The following TOX3 variants were observed in gnomAD, a reference collection of about 807,000 sequenced individuals.
The protein encoded by TOX3 is TOX high mobility group box family member 3, also known as CAG trinucleotide repeat-containing gene F9 protein.
TOX3 carries 22 observed loss-of-function variants against 64.3 expected under a neutral mutation model. The observed-to-expected ratio is 0.34, with a 90% CI of 0.24 to 0.49. The LOEUF is 0.49. TOX3 is among the 20% of genes least tolerant of loss of function. The probability of loss-of-function intolerance (pLI) is 0.99; values close to 1 mark genes in which losing one functional copy is unlikely to be tolerated. For synonymous variants in TOX3, 291 were observed against 273.6 expected, an observed-to-expected ratio of 1.06 and a Z score of -0.63; for missense variants, 661 against 714.4, an observed-to-expected ratio of 0.93 and a Z score of 0.85.
chr16:52,483,402 C>A (rs1033962692), intron 1 of TOX3, among the ~76,000 whole-genome samples: 3 of 152,044 alleles, frequency 2.0e-5, no homozygotes, highest in African/African-American at 7.3e-5. Context: ...AAGGGGAGAG[C>A]TGGGAAAACA....
intron 1 of TOX3, among the ~76,000 whole-genome samples, chr16:52,498,591 G>C (rs368490636): frequency 5.1e-4 from 77 of 152,250 alleles, no homozygotes; most frequent in South Asian, 4.6e-3. Flanking sequence ...GTGGGGTTGG[G>C]GGGGGGAGGC....
chr16:52,456,696 G>A (rs536811462), intron 3 of TOX3, among the ~76,000 whole-genome samples: 1 of 152,238 alleles, frequency 6.6e-6, no homozygotes, highest in South Asian at 2.1e-4. Flanking sequence ...GTTAAAATCT[G>A]AATAATGTTA....
At chr16:52,525,265 G>A (rs561670969) in intron 1 of TOX3, among the ~76,000 whole-genome samples, 1 of 152,060 alleles carries the variant, frequency 6.6e-6, no homozygotes, top group Non-Finnish European at 1.5e-5. Context: ...TTTGGGGAGG[G>A]GGGTTCTCTA....
chr16:52,512,833 A>C (rs1048539716), intron 1 of TOX3, among the ~76,000 whole-genome samples: 4 of 152,202 alleles, frequency 2.6e-5, no homozygotes, highest in Admixed American at 1.3e-4. Context: ...AAAAAGAAGA[A>C]GAAGAAAAGA....
chr16:52,486,627 A>T (rs907305961), intron 1 of TOX3, among the ~76,000 whole-genome samples: 1 of 152,154 alleles, frequency 6.6e-6, no homozygotes, highest in African/African-American at 2.4e-5. Context: ...CCAAGGAAGA[A>T]TTATAGATAT....
At chr16:52,470,516 A>G (rs548084567) in intron 1 of TOX3, among the ~76,000 whole-genome samples, 1 of 152,332 alleles carries the variant, frequency 6.6e-6, no homozygotes, top group South Asian at 2.1e-4. Flanking sequence ...TATTAAACTA[A>G]AGGCCTAAAC....
chr16:52,473,779 C>T (rs983760586), intron 1 of TOX3, among the ~76,000 whole-genome samples: 11 of 152,048 alleles, frequency 7.2e-5, no homozygotes, highest in Admixed American at 6.5e-4. Flanking sequence ...CCATCTACAC[C>T]AAAGGTTGGA....
At chr16:52,465,603 A>C (rs894088326) in intron 2 of TOX3, among the ~76,000 whole-genome samples, 2 of 151,374 alleles carry the variant, frequency 1.3e-5, no homozygotes, top group African/African-American at 2.4e-5. Flanking sequence ...GGTGCAAGAT[A>C]ATTTGAGTCT....
chr16:52,486,592 C>A (rs1431778898), intron 1 of TOX3, among the ~76,000 whole-genome samples: 1 of 151,994 alleles, frequency 6.6e-6, no homozygotes, highest in Non-Finnish European at 1.5e-5. Flanking sequence ...GGAAAAGTGG[C>A]TGAGAGTAAG....
chr16:52,441,144 C>T (rs1959971081), intron 6 of TOX3, among the ~76,000 whole-genome samples: 1 of 152,058 alleles, frequency 6.6e-6, no homozygotes, highest in Non-Finnish European at 1.5e-5. Flanking sequence ...GCGCCTGGTC[C>T]ATAGGAAGCA....
At chr16:52,461,820 A>G (rs939741700) in intron 3 of TOX3, among the ~76,000 whole-genome samples, 1 of 152,124 alleles carries the variant, frequency 6.6e-6, no homozygotes, top group Non-Finnish European at 1.5e-5. Flanking sequence ...GTTATGATGT[A>G]GCCAGCCAAC....
intron 1 of TOX3, among the ~76,000 whole-genome samples, chr16:52,523,419 G>A (rs1412574089): frequency 6.6e-6 from 1 of 152,126 alleles, no homozygotes; most frequent in Non-Finnish European, 1.5e-5. Context: ...TCCAAGCAGA[G>A]GAGTCACAGG....
intron 1 of TOX3, among the ~76,000 whole-genome samples, chr16:52,530,526 G>A (rs774578016): frequency 3.9e-5 from 6 of 152,054 alleles, no homozygotes; most frequent in Non-Finnish European, 8.8e-5. Flanking sequence ...TAGTAGAGAC[G>A]GGGTTTCACC....
intron 1 of TOX3, among the ~76,000 whole-genome samples, chr16:52,520,943 T>C (rs978661018): frequency 2.0e-5 from 3 of 152,228 alleles, no homozygotes; most frequent in African/African-American, 7.2e-5. Flanking sequence ...AAAAGGACAC[T>C]TTATTTCATA....
At chr16:52,504,838 T>C (rs535514645) in intron 1 of TOX3, among the ~76,000 whole-genome samples, 1 of 151,762 alleles carries the variant, frequency 6.6e-6, no homozygotes, top group South Asian at 2.1e-4. Context: ...TGTTTGTTTG[T>C]TTGTTTGTTT....
Position 52,509,914 on chromosome 16 carries a change from G to A in TOX3, c.87+36723C>T, listed in dbSNP as rs1040516137. 3.3e-5 allele frequency among the ~76,000 whole-genome samples: 5 copies of A among 151,976 alleles called. No homozygotes were observed. In the South Asian group the frequency reaches 8.3e-4, roughly 25 times the overall value. ...GACCGAGAGCAGTGGTTCTCAGGCC[G>A]GTACAATAATGGCAAGTCATGGTAT... is the stretch of plus-strand genomic sequence containing the variant. On this transcript the variant is annotated intron_variant, in intron 1 of 6. Coordinates refer to ENST00000219746, the MANE Select transcript of TOX3 (RefSeq NM_001080430.4).
At chr16:52,476,558 A>T (rs1013952937) in intron 1 of TOX3, among the ~76,000 whole-genome samples, 26 of 152,008 alleles carry the variant, frequency 1.7e-4, no homozygotes, top group African/African-American at 6.0e-4. Context: ...GCAACCAATC[A>T]TCACCAATAT....
upstream of TOX3, among the ~76,000 whole-genome samples, chr16:52,547,193 G>C (rs1265136947): frequency 1.4e-5 from 2 of 139,844 alleles, no homozygotes; most frequent in Admixed American, 7.0e-5. Context: ...TCAGCCGCCG[G>C]TCCCCTCCCC....
chr16:52,492,255 C>T (rs1360141177), intron 1 of TOX3, among the ~76,000 whole-genome samples: 1 of 144,890 alleles, frequency 6.9e-6, no homozygotes, highest in Non-Finnish European at 1.5e-5. Context: ...ATATATTATA[C>T]AATATAAATA....
Sources: gnomAD v4.1 joint callset for allele counts (sites outside exome capture counted in the v4.1 genomes callset) on GRCh38, gnomAD v4.1.1 for gene constraint, MANE v1.5 for transcripts, NCBI Gene and HGNC (gene_info 2026-07-23, HGNC 2026-07-21) for gene names.